Variants in HIPK3 observed in about 807,000 individuals in gnomAD.
The protein encoded by HIPK3 is homeodomain interacting protein kinase 3.
HIPK3 carries 47 observed loss-of-function variants against 124.2 expected under a neutral mutation model. That is an observed-to-expected ratio of 0.38 (90% CI 0.30 to 0.48). HIPK3 has a LOEUF of 0.48. Among genes scored for constraint, HIPK3 ranks in the 20% least tolerant of loss-of-function variants. The pLI, the probability that HIPK3 is intolerant of heterozygous loss-of-function variation, is 0.98. For missense variants in HIPK3, 1,286 were observed against 1,454.3 expected, an observed-to-expected ratio of 0.88 and a Z score of 1.88; for synonymous variants, 482 against 515.2, an observed-to-expected ratio of 0.94 and a Z score of 0.87.
chr11:33,270,394 C>T (rs1315988240), intron 1 of HIPK3, among the ~76,000 whole-genome samples: 2 of 151,526 alleles, frequency 1.3e-5, no homozygotes, highest in South Asian at 4.2e-4. Flanking sequence ...CTGCAACTTC[C>T]GCCTCCTGGG....
chr11:33,328,889 A>T (rs1323443052), intron 3 of HIPK3, among the ~76,000 whole-genome samples: 1 of 152,210 alleles, frequency 6.6e-6, no homozygotes, highest in East Asian at 1.9e-4. Context: ...TAAACATATA[A>T]AAGGTTGGAT....
intron 2 of HIPK3, among the ~76,000 whole-genome samples, chr11:33,307,156 G>T (rs1456037079): frequency 6.6e-6 from 1 of 151,800 alleles, no homozygotes; most frequent in East Asian, 1.9e-4. Flanking sequence ...CCAGGCTGGT[G>T]TTGAACTCCT....
intron 1 of HIPK3, among the ~76,000 whole-genome samples, chr11:33,279,212 G>T (rs1401692453): frequency 6.8e-6 from 1 of 147,912 alleles, no homozygotes; most frequent in African/African-American, 2.5e-5. Flanking sequence ...TACTTGGGAG[G>T]CTGAGGCGCG....
At chr11:33,304,537 A>AC (rs1442438546) in intron 2 of HIPK3, among the ~76,000 whole-genome samples, 1 of 152,048 alleles carries the variant, frequency 6.6e-6, no homozygotes, top group African/African-American at 2.4e-5. Context: ...AGCCTGGGCA[A>AC]CAGGAGCAAA....
chr11:33,299,069 AC>A (rs1262443344), intron 2 of HIPK3, among the ~76,000 whole-genome samples: 1 of 151,110 alleles, frequency 6.6e-6, no homozygotes, highest in African/African-American at 2.4e-5. Flanking sequence ...CTGGTCTTGA[AC>A]CCCTGACCTC....
At chr11:33,318,532 T>C (rs1852572256) in intron 2 of HIPK3, among the ~76,000 whole-genome samples, 1 of 152,236 alleles carries the variant, frequency 6.6e-6, no homozygotes, top group Admixed American at 6.5e-5. Context: ...AGTTTTTATA[T>C]GAATATCAAA....
At chr11:33,264,687 A>C (rs1184555733) in intron 1 of HIPK3, among the ~76,000 whole-genome samples, 1 of 152,220 alleles carries the variant, frequency 6.6e-6, no homozygotes, top group African/African-American at 2.4e-5. Context: ...ATTTGCTAAA[A>C]ACAAAAAATG....
At chr11:33,279,358 A>G (rs958177266) in intron 1 of HIPK3, among the ~76,000 whole-genome samples, 5 of 151,528 alleles carry the variant, frequency 3.3e-5, no homozygotes, top group African/African-American at 1.2e-4. Context: ...AGAGAAGAAG[A>G]AGAACCCTAT....
At chr11:33,282,221 T>C (rs1165298729) in intron 1 of HIPK3, among the ~76,000 whole-genome samples, 1 of 151,284 alleles carries the variant, frequency 6.6e-6, no homozygotes, top group African/African-American at 2.5e-5. Context: ...ACCCCATCTC[T>C]ACAAAATTTA....
intron 3 of HIPK3, among the ~76,000 whole-genome samples, chr11:33,336,080 C>A (rs1293497827): frequency 6.6e-6 from 1 of 151,974 alleles, no homozygotes; most frequent in Non-Finnish European, 1.5e-5. Context: ...ATGAAAAGCG[C>A]AGTGGAGAAA....
intron 2 of HIPK3, among the ~76,000 whole-genome samples, chr11:33,307,484 C>T (rs1361433846): frequency 2.0e-5 from 3 of 150,398 alleles, no homozygotes; most frequent in African/African-American, 4.9e-5. Flanking sequence ...TTGCAAGCTC[C>T]GCCTCCCAGG....
Position 33,351,856 on chromosome 11 carries a change from C to A in HIPK3, c.3043+13C>A, listed in dbSNP as rs1306752280. On this transcript the variant is annotated intron_variant, in intron 15 of 16. Coordinates refer to ENST00000303296, the MANE Select transcript of HIPK3 (RefSeq NM_005734.5). ...ATGGCAAACACAGGTAAGTTGAGTC[C>A]TCCCATTTCTCTGGTTGTCCTTTAA... The A allele has an allele frequency of 6.3e-7, 1 of 1,580,996 alleles. No individual in the cohort carries two copies. The highest frequency in any genetic ancestry group is 1.1e-5 in the South Asian group (1 of 89,882).
At chr11:33,289,834 G>T (rs1413452005) in intron 2 of HIPK3, among the ~76,000 whole-genome samples, 2 of 152,032 alleles carry the variant, frequency 1.3e-5, no homozygotes, top group African/African-American at 2.4e-5. Flanking sequence ...CCTAGACTCT[G>T]GTAACCATCA....
At chr11:33,273,512 CAAAAAAAAAAAAAAAAA>C (rs398015727) in intron 1 of HIPK3, among the ~76,000 whole-genome samples, 1 of 48,042 alleles carries the variant, frequency 2.1e-5, no homozygotes, top group Non-Finnish European at 3.3e-5. Context: ...TCTGTCTCCA[CAAAAAAAAAAAAAAAAA>C]AAAAAAAAAG....
chr11:33,261,419 A>G (rs1394955321), intron 1 of HIPK3, among the ~76,000 whole-genome samples: 1 of 151,664 alleles, frequency 6.6e-6, no homozygotes, highest in Non-Finnish European at 1.5e-5. Flanking sequence ...CTTTGTGTCC[A>G]TGTGTTCTCA....
At chr11:33,264,901 A>T (rs1469361296) in intron 1 of HIPK3, among the ~76,000 whole-genome samples, 1 of 152,228 alleles carries the variant, frequency 6.6e-6, no homozygotes. Flanking sequence ...AACTTTTTAA[A>T]AGCATATTTC....
intron 1 of HIPK3, among the ~76,000 whole-genome samples, chr11:33,261,736 G>A (rs1455137491): frequency 6.6e-6 from 1 of 152,186 alleles, no homozygotes; most frequent in African/African-American, 2.4e-5. Flanking sequence ...TATATACCCA[G>A]TAATGGGATT....
At chr11:33,269,375 T>C (rs1309101788) in intron 1 of HIPK3, among the ~76,000 whole-genome samples, 1 of 152,156 alleles carries the variant, frequency 6.6e-6, no homozygotes, top group Non-Finnish European at 1.5e-5. Flanking sequence ...ATCTCTTCAT[T>C]CCCCCAAGAT....
chr11:33,326,934 G>T (rs896299231), intron 2 of HIPK3, among the ~76,000 whole-genome samples: 7 of 152,046 alleles, frequency 4.6e-5, no homozygotes, highest in African/African-American at 1.7e-4. Context: ...TACCATGTTG[G>T]CCTCCCAAAG....
Sources: gnomAD v4.1 joint callset for allele counts (sites outside exome capture counted in the v4.1 genomes callset) on GRCh38, gnomAD v4.1.1 for gene constraint, MANE v1.5 for transcripts, NCBI Gene and HGNC (gene_info 2026-07-23, HGNC 2026-07-21) for gene names.